The following IRF2 variants were observed in gnomAD, a reference collection of about 807,000 sequenced individuals.
The protein encoded by IRF2 is interferon regulatory factor 2.
Under a neutral mutation model 40.6 loss-of-function variants are expected in IRF2, and 15 were observed. That is an observed-to-expected ratio of 0.37 (90% CI 0.25 to 0.57). The LOEUF is 0.57. IRF2 is among the 20% of genes least tolerant of loss of function. The pLI is 0.77. For synonymous variants in IRF2, 151 were observed against 165.5 expected (o/e 0.91, Z 0.67); for missense variants, 317 against 455.7 (o/e 0.70, Z 2.77).
intron 7 of IRF2, among the ~76,000 whole-genome samples, chr4:184,393,852 C>G (rs1342654446): frequency 6.6e-6 from 1 of 152,180 alleles, no homozygotes; most frequent in Non-Finnish European, 1.5e-5. Flanking sequence ...GAATCGGTGG[C>G]TCCAAGTGCT....
chr4:184,466,685 C>T (rs1561131953), intron 1 of IRF2, among the ~76,000 whole-genome samples: 1 of 152,166 alleles, frequency 6.6e-6, no homozygotes, highest in East Asian at 1.9e-4. Context: ...TCCCCATCCC[C>T]AAACAATGCA....
intron 6 of IRF2, among the ~76,000 whole-genome samples, chr4:184,405,966 C>T (rs910706837): frequency 3.3e-5 from 4 of 119,794 alleles, no homozygotes; most frequent in Admixed American, 3.1e-4. Context: ...GCTCCAGGTC[C>T]AATACAGCCA....
chr4:184,424,271 C>T (rs561864224), intron 2 of IRF2, among the ~76,000 whole-genome samples: 1 of 152,358 alleles, frequency 6.6e-6, no homozygotes, highest in East Asian at 1.9e-4. Flanking sequence ...AACTTCCTCG[C>T]TGTTCCTTCA....
intron 6 of IRF2, among the ~76,000 whole-genome samples, chr4:184,401,901 G>A (rs1156481897): frequency 1.3e-5 from 2 of 152,186 alleles, no homozygotes; most frequent in Non-Finnish European, 2.9e-5. Context: ...AAGCCAGCTG[G>A]GACTACAAAC....
chr4:184,429,060 G>A lies in IRF2; in HGVS notation c.5C>T (p.Pro2Leu), dbSNP rs2149904026. 1.9e-6 allele frequency: 3 copies of A among 1,613,850 alleles called. No homozygotes were observed. Among genetic ancestry groups the A allele is most frequent in the Non-Finnish European group, 2.5e-6 (3 of 1,179,774 alleles). Residue 2 changes from proline to leucine, a missense_variant, in exon 2 of 9, where the codon CCG becomes CTG. Physicochemically the swap from Pro to Leu is moderately conservative, Grantham distance 98 (BLOSUM62 -3). Transcript: ENST00000393593. ...CGGGCGCATGCGCATCCTTTCCACC[G>A]GCATGGTGCCCTTGAGGGAGAGAAA... M[P>L]VERMRMRPWL...
chr4:184,388,644 G>T lies in IRF2; in HGVS notation c.*114C>A. The T allele has an allele frequency of 9.0e-7, 1 of 1,107,038 alleles. No individual in the cohort carries two copies. Among genetic ancestry groups the T allele is most frequent in the Non-Finnish European group, 1.3e-6 (1 of 765,000 alleles). The allele number at this position is 1,107,038 out of a possible 1,614,324, so 68.6% of individuals were successfully genotyped here. A position where few individuals can be genotyped will look rare whatever the true frequency, so the allele number is the denominator to read the frequency against. On this transcript the variant is annotated 3_prime_UTR_variant, in exon 9 of 9. Transcript: ENST00000393593. The surrounding 1 kb of genome is among the most constrained non-coding windows in gnomAD (Gnocchi z 4.6). ...ACAGCAATCAATGTTCTATTGTCAA[G>T]GCTTTTTCCCTTAGATTTGTCTAAA...
At chr4:184,429,164 C>A in intron 1 of IRF2, 94 bp from the exon 2 acceptor site, 1 of 870,014 alleles carries the variant, frequency 1.1e-6, no homozygotes. Context: ...CTTTCCTTCT[C>A]TCCTTTCCTG....
At chr4:184,452,770 C>CAAAA (rs530415114) in intron 1 of IRF2, among the ~76,000 whole-genome samples, 31 of 53,824 alleles carry the variant, frequency 5.8e-4, no homozygotes, top group African/African-American at 2.1e-3. Context: ...GACCCTGTCT[C>CAAAA]AAAAAAAAAA....
intron 1 of IRF2, among the ~76,000 whole-genome samples, chr4:184,441,501 TTA>T (rs1738303689): frequency 1.3e-5 from 2 of 152,216 alleles, no homozygotes; most frequent in African/African-American, 4.8e-5. Flanking sequence ...TGGGAAAAGC[TTA>T]GTTTTAAAAA....
At chr4:184,435,777 A>G (rs1738053483) in intron 1 of IRF2, among the ~76,000 whole-genome samples, 1 of 152,174 alleles carries the variant, frequency 6.6e-6, no homozygotes, top group South Asian at 2.1e-4. Context: ...AAACACCCTC[A>G]CAAGCTTTGT....
intron 1 of IRF2, among the ~76,000 whole-genome samples, chr4:184,468,390 G>A (rs1314939066): frequency 6.6e-6 from 1 of 152,150 alleles, no homozygotes; most frequent in Non-Finnish European, 1.5e-5. Context: ...GGGAGGCTGA[G>A]GCAGAAGAAT....
intron 1 of IRF2, among the ~76,000 whole-genome samples, chr4:184,444,891 T>G (rs763402453): frequency 6.6e-6 from 1 of 152,228 alleles, no homozygotes; most frequent in East Asian, 1.9e-4. Context: ...AGAACTACTG[T>G]CTAGAATATT....
chr4:184,401,140 G>C (rs1448148006), intron 6 of IRF2, among the ~76,000 whole-genome samples: 1 of 152,252 alleles, frequency 6.6e-6, no homozygotes, highest in Non-Finnish European at 1.5e-5. Context: ...AAAGTATTCA[G>C]GTTAGAACGC....
At chr4:184,429,263 T>G (rs1196063269) in intron 1 of IRF2, among the ~76,000 whole-genome samples, 193 bp from the exon 2 acceptor site, 1 of 152,200 alleles carries the variant, frequency 6.6e-6, no homozygotes, top group Non-Finnish European at 1.5e-5. Context: ...CAGGGGGCTA[T>G]CTGGAGACAC....
At chr4:184,416,689 C>T (rs1272344240) in intron 5 of IRF2, among the ~76,000 whole-genome samples, 1 of 151,978 alleles carries the variant, frequency 6.6e-6, no homozygotes, top group Non-Finnish European at 1.5e-5. Context: ...GGAAGAAATG[C>T]TATGAGGTTT....
Position 184,389,080 on chromosome 4 carries a change from A to T in IRF2, c.742-14T>A. 1 of 1,612,194 alleles carries T rather than the reference A, an allele frequency of 6.2e-7. No individual in the cohort carries two copies. The highest frequency in any genetic ancestry group is 8.5e-7 in the Non-Finnish European group (1 of 1,178,482). Reference sequence around the variant, plus strand: ...GTGTGGCCGCCCCTTTCAAGAAAGTAATTAAGATATGTATTTCCTTCTCCT... The same window carrying T: ...GTGTGGCCGCCCCTTTCAAGAAAGTTATTAAGATATGTATTTCCTTCTCCT... On this transcript the variant is annotated splice_polypyrimidine_tract_variant and intron_variant, in intron 8 of 8. Coordinates refer to ENST00000393593, the MANE Select transcript of IRF2 (RefSeq NM_002199.4).
intron 1 of IRF2, among the ~76,000 whole-genome samples, chr4:184,430,374 C>T (rs1737832269): frequency 2.3e-5 from 3 of 128,468 alleles, no homozygotes; most frequent in African/African-American, 8.5e-5. Context: ...CTGACTGCTG[C>T]AGACACCTCC....
chr4:184,429,006 G>A lies in IRF2; in HGVS notation c.59C>T (p.Thr20Met), dbSNP rs151317536. ...PWLEEQINSN[T>M]IPGLKWLNKE... ...GTTAAGCCACTTGAGCCCCGGGATC[G>A]TGTTGGAGTTTATCTGCTCCTCCAG... The change falls in exon 2 of 9, where the codon ACG becomes ATG. Residue 20 changes from threonine to methionine, a missense_variant. Coordinates refer to ENST00000393593, the MANE Select transcript of IRF2 (RefSeq NM_002199.4). 2.0e-4 allele frequency: 324 copies of A among 1,614,124 alleles called. No individual in the cohort carries two copies. In the African/African-American group the frequency reaches 3.6e-3, roughly 18 times the overall value.
chr4:184,390,650 G>A, intron 8 of IRF2, 53 bp downstream of exon 8: 1 of 1,574,952 alleles, frequency 6.3e-7, no homozygotes, highest in Non-Finnish European at 8.7e-7. Flanking sequence ...GCCCGGAGCT[G>A]GTCGGGAGGC....
Sources: allele counts gnomAD v4.1 joint callset (sites outside exome capture counted in the v4.1 genomes callset), GRCh38; gene constraint gnomAD v4.1.1; non-coding constraint Gnocchi (gnomAD v3.1); transcripts MANE v1.5; gene names NCBI Gene and HGNC (gene_info 2026-07-23, HGNC 2026-07-21).